GNB1L: variants seen among roughly 807,000 people sequenced by gnomAD.
GNB1L encodes the protein guanine nucleotide-binding protein subunit beta-like protein 1.
In GNB1L, 20 loss-of-function variants were observed where a neutral mutation model predicts 29.1. The observed-to-expected ratio is 0.69, with a 90% confidence interval of 0.48 to 1.00. The LOEUF is 1.00. Ranked by LOEUF, GNB1L falls within the 50% of genes least tolerant of loss-of-function variation. The probability of loss-of-function intolerance (pLI) is 0.00; values close to 1 mark genes in which losing one functional copy is unlikely to be tolerated. For synonymous variants in GNB1L, 193 were observed against 206.5 expected (o/e 0.93, Z 0.56); for missense variants, 421 against 464.9 (o/e 0.91, Z 0.87).
Position 19,847,851 on chromosome 22 carries a change from T to C in GNB1L, c.-21+6592A>G, listed in dbSNP as rs1033437735. On this transcript the variant is annotated intron_variant, in intron 2 of 7. Coordinates refer to ENST00000329517, the MANE Select transcript of GNB1L (RefSeq NM_053004.3). ...TTCACCCATATTTTCCTCTAGTACTTTCATAATTGTAACATTGAAATCTTT... is the reference window on the plus strand; with the variant it reads ...TTCACCCATATTTTCCTCTAGTACTCTCATAATTGTAACATTGAAATCTTT... 6.5e-6 allele frequency: 6 copies of C among 930,132 alleles called. No individual in the cohort carries two copies. In the African/African-American group the frequency reaches 9.2e-5, roughly 14 times the overall value. The allele number at this position is 930,132 out of a possible 1,614,324, so 57.6% of individuals were successfully genotyped here. A position where few individuals can be genotyped will look rare whatever the true frequency, so the allele number is the denominator to read the frequency against.
chr22:19,813,116 A>G (rs1937512955), intron 4 of GNB1L, among the ~76,000 whole-genome samples: 1 of 152,222 alleles, frequency 6.6e-6, no homozygotes, highest in Admixed American at 6.5e-5. Flanking sequence ...TGTAAAGTCA[A>G]TATGAACAAC....
chr22:19,803,783 C>T (rs1454124937), intron 6 of GNB1L, among the ~76,000 whole-genome samples: 1 of 152,240 alleles, frequency 6.6e-6, no homozygotes, highest in East Asian at 1.9e-4. Flanking sequence ...ACCCCAGAAG[C>T]TGACTCCAAA....
intron 4 of GNB1L, among the ~76,000 whole-genome samples, chr22:19,814,746 C>A (rs910273651): frequency 6.6e-6 from 1 of 152,094 alleles, no homozygotes; most frequent in Non-Finnish European, 1.5e-5. Flanking sequence ...AACATCTGGG[C>A]GGTAACTCTT....
chr22:19,818,543 G>A (rs756462917), intron 4 of GNB1L, among the ~76,000 whole-genome samples: 3 of 152,236 alleles, frequency 2.0e-5, no homozygotes, highest in African/African-American at 7.2e-5. Context: ...TGGTGCCTTC[G>A]TCACCTGCAG....
rs1937184348 is a variant in GNB1L at position 19,785,450 on chromosome 22, C to T, written c.*3259G>A. On this transcript the variant is annotated 3_prime_UTR_variant, in exon 8 of 8. Coordinates refer to ENST00000329517, the MANE Select transcript of GNB1L (RefSeq NM_053004.3). The surrounding 1 kb of genome is among the most constrained non-coding windows in gnomAD (Gnocchi z 4.1). ...CAAAAACACAGGATGGTAGAACACA[C>T]CTACCTGAGTTGGCACTGAAAATGG... 1 of 152,062 alleles carries T rather than the reference C, an allele frequency of 6.6e-6. No individual in the cohort carries two copies. Among genetic ancestry groups the T allele is most frequent in the African/African-American group, 2.4e-5 (1 of 41,392 alleles). 9.4% of individuals were successfully genotyped at this position (152,062 alleles called of 1,614,324 possible). A position where few individuals can be genotyped will look rare whatever the true frequency, so the allele number is the denominator to read the frequency against.
chr22:19,803,253 T>C (rs1937395451), intron 6 of GNB1L, among the ~76,000 whole-genome samples: 1 of 152,226 alleles, frequency 6.6e-6, no homozygotes, highest in African/African-American at 2.4e-5. Flanking sequence ...GTGGTCCTCA[T>C]ACATGTCCCT....
chr22:19,807,947 C>T (rs571690036), intron 5 of GNB1L, among the ~76,000 whole-genome samples: 9 of 152,342 alleles, frequency 5.9e-5, no homozygotes, highest in Non-Finnish European at 1.0e-4. Context: ...GCCCACAGCC[C>T]GGTCCTTCCA....
intron 7 of GNB1L, among the ~76,000 whole-genome samples, chr22:19,797,801 C>A (rs1320172928): frequency 6.6e-6 from 1 of 152,184 alleles, no homozygotes; most frequent in Non-Finnish European, 1.5e-5. Context: ...GGGCCCGGGG[C>A]CCCCTGGTTC....
intron 2 of GNB1L, among the ~76,000 whole-genome samples, chr22:19,834,809 A>G (rs1937736656): frequency 6.6e-6 from 1 of 152,320 alleles, no homozygotes; most frequent in South Asian, 2.1e-4. Context: ...AGAAGAGAAG[A>G]AAAAGAGAAA....
In GNB1L at chr22:19,785,594, T is replaced by C. The variant is rs1352090407; in HGVS notation, c.*3115A>G. ...AGGGCTGCCTCTCCCAGTTGGTGGG[T>C]TGGCCAGGGGCGTGATGGCAGCGAC... On this transcript the variant is annotated 3_prime_UTR_variant, in exon 8 of 8. Coordinates refer to ENST00000329517, the MANE Select transcript of GNB1L (RefSeq NM_053004.3). The surrounding 1 kb of genome is among the most constrained non-coding windows in gnomAD (Gnocchi z 4.1). The C allele has an allele frequency of 6.6e-6, 1 of 152,234 alleles. No homozygotes were observed. Among genetic ancestry groups the C allele is most frequent in the Non-Finnish European group, 1.5e-5 (1 of 68,080 alleles). 9.4% of individuals were successfully genotyped at this position (152,234 alleles called of 1,614,324 possible).
chr22:19,809,927 C>T (rs569168006), intron 5 of GNB1L, among the ~76,000 whole-genome samples: 1 of 152,312 alleles, frequency 6.6e-6, no homozygotes, highest in East Asian at 1.9e-4. Context: ...GGTGTGCGGC[C>T]ACCAGGCCCA....
chr22:19,804,723 TC>T (rs1284183480), intron 6 of GNB1L, among the ~76,000 whole-genome samples: 3 of 152,106 alleles, frequency 2.0e-5, no homozygotes, highest in Non-Finnish European at 2.9e-5. Flanking sequence ...GGAGTTAATG[TC>T]GGCTTTTCTT....
chr22:19,819,640 A>G (rs1937562262), intron 4 of GNB1L, among the ~76,000 whole-genome samples: 1 of 152,230 alleles, frequency 6.6e-6, no homozygotes, highest in Non-Finnish European at 1.5e-5. Context: ...CCTTGTGCTA[A>G]GCACAGGCTA....
Position 19,812,327 on chromosome 22 carries a change from C to T in GNB1L, c.375G>A (p.Gln125=). The change falls in exon 5 of 8, where the codon CAG becomes CAA. Residue 125 remains glutamine, a synonymous_variant. Transcript: ENST00000329517. The part of the protein sequence containing the change: ...FCRSSILAGG[Q]PRWTLAVPGR... ...CTGGCACGGCAAGCGTCCAGCGTGG[C>T]TGGCCCCCGGCCAGGATGCTGCTCC... is the stretch of plus-strand genomic sequence containing the variant. 6.2e-7 allele frequency: 1 copy of T among 1,613,056 alleles called. No individual in the cohort carries two copies. The highest frequency in any genetic ancestry group is 8.5e-7 in the Non-Finnish European group (1 of 1,179,930).
intron 6 of GNB1L, among the ~76,000 whole-genome samples, chr22:19,803,554 C>T (rs1937399316): frequency 1.3e-5 from 2 of 152,328 alleles, no homozygotes; most frequent in Admixed American, 1.3e-4. Flanking sequence ...CATGTTGGCA[C>T]CTTTCAGATC....
At chr22:19,804,594 A>C (rs965600976) in intron 6 of GNB1L, among the ~76,000 whole-genome samples, 13 of 151,884 alleles carry the variant, frequency 8.6e-5, no homozygotes, top group South Asian at 6.2e-4. Flanking sequence ...ATTGCCCCCC[A>C]AAAAAAGAAA....
chr22:19,809,162 C>G (rs1027811887), intron 5 of GNB1L, among the ~76,000 whole-genome samples: 1 of 151,702 alleles, frequency 6.6e-6, no homozygotes, highest in African/African-American at 2.4e-5. Flanking sequence ...TTTAAAAACC[C>G]CCAAGACCAT....
rs775606248 is a variant in GNB1L at position 19,812,456 on chromosome 22, C to T, written c.255-9G>A. 19 of 1,609,352 alleles carry T rather than the reference C, an allele frequency of 1.2e-5. No individual in the cohort carries two copies. In the East Asian group the frequency reaches 1.3e-4, roughly 11 times the overall value. On this transcript the variant is annotated splice_polypyrimidine_tract_variant and intron_variant, in intron 4 of 7. Coordinates refer to ENST00000329517, the MANE Select transcript of GNB1L (RefSeq NM_053004.3). ...TCAGGTCCCGGCCCTGACTGCCAGA[C>T]AAAGAGGAGACAGGCCTGAGACTCC...
chr22:19,822,368 C>T (rs1937586403), intron 2 of GNB1L, among the ~76,000 whole-genome samples: 1 of 152,198 alleles, frequency 6.6e-6, no homozygotes, highest in Non-Finnish European at 1.5e-5. Flanking sequence ...GCCGGGCCAC[C>T]ACCCACCCAG....
Sources: gnomAD v4.1 joint callset for allele counts (sites outside exome capture counted in the v4.1 genomes callset) on GRCh38, gnomAD v4.1.1 for gene constraint, Gnocchi (gnomAD v3.1) non-coding constraint, MANE v1.5 for transcripts, NCBI Gene and HGNC (gene_info 2026-07-23, HGNC 2026-07-21) for gene names.